The following TRIM33 variants were observed in gnomAD, a reference collection of about 807,000 sequenced individuals.
The protein encoded by TRIM33 is tripartite motif containing 33.
Under a neutral mutation model 125.4 loss-of-function variants are expected in TRIM33, and 20 were observed. The ratio of observed to expected loss-of-function variants is 0.16; its 90% CI spans 0.11 to 0.23. The LOEUF (loss-of-function observed/expected upper bound fraction) is 0.23, where lower values mean the gene tolerates loss of function less well. Among genes scored for constraint, TRIM33 ranks in the 10% least tolerant of loss-of-function variants. The pLI is 1.00. For synonymous variants in TRIM33, 564 were observed against 513.9 expected (o/e 1.10, Z -1.32); for missense variants, 920 against 1,411.4 (o/e 0.65, Z 5.58).
chr1:114,500,558 A>G (rs1368350755), intron 1 of TRIM33, among the ~76,000 whole-genome samples: 1 of 151,262 alleles, frequency 6.6e-6, no homozygotes, highest in African/African-American at 2.4e-5. Flanking sequence ...TATAAGAGTG[A>G]GCAAAAGGTG....
At chr1:114,466,808 GCGT>G in intron 1 of TRIM33, among the ~76,000 whole-genome samples, 1 of 152,296 alleles carries the variant, frequency 6.6e-6, no homozygotes, top group South Asian at 2.1e-4. Flanking sequence ...AGTCAGGCTG[GCGT>G]CGAACTCCTG....
At chr1:114,469,944 G>C (rs371008936) in intron 1 of TRIM33, among the ~76,000 whole-genome samples, 1 of 152,268 alleles carries the variant, frequency 6.6e-6, no homozygotes, top group East Asian at 1.9e-4. Context: ...TAATATCATA[G>C]AGTAACATAT....
chr1:114,425,355 G>A, intron 9 of TRIM33, 94 bp downstream of exon 9: 1 of 1,488,790 alleles, frequency 6.7e-7, no homozygotes, highest in Non-Finnish European at 9.1e-7. Flanking sequence ...AGTCTTGCTA[G>A]TAACTTTGAA....
chr1:114,411,334 C>A (rs1652576412), intron 11 of TRIM33, among the ~76,000 whole-genome samples: 1 of 152,134 alleles, frequency 6.6e-6, no homozygotes, highest in Non-Finnish European at 1.5e-5. Flanking sequence ...CAAAACAAAA[C>A]CCATGCCAGA....
At chr1:114,463,767 CTTTT>C (rs397977770) in intron 2 of TRIM33, among the ~76,000 whole-genome samples, 1 of 126,048 alleles carries the variant, frequency 7.9e-6, no homozygotes, top group Non-Finnish European at 1.6e-5. Flanking sequence ...GCAGATTTGA[CTTTT>C]TTTTTTTTTT....
At chr1:114,452,556 A>G (rs1438622680) in intron 4 of TRIM33, among the ~76,000 whole-genome samples, 1 of 152,062 alleles carries the variant, frequency 6.6e-6, no homozygotes, top group Non-Finnish European at 1.5e-5. Flanking sequence ...TCTACTAAAT[A>G]ATTTTCTAAC....
chr1:114,409,903 C>CGG (rs1652471466), intron 12 of TRIM33, among the ~76,000 whole-genome samples: 1 of 152,144 alleles, frequency 6.6e-6, no homozygotes, highest in East Asian at 1.9e-4. Context: ...GAAGAGAAGA[C>CGG]GGAGCCCTGT....
chr1:114,427,504 T>A (rs1052042567), intron 7 of TRIM33, among the ~76,000 whole-genome samples: 2 of 152,178 alleles, frequency 1.3e-5, no homozygotes, highest in Non-Finnish European at 2.9e-5. Flanking sequence ...ATACTAGGTA[T>A]CTTCAAAAGA....
chr1:114,453,760 G>A (rs1454489778), intron 4 of TRIM33, among the ~76,000 whole-genome samples: 2 of 152,182 alleles, frequency 1.3e-5, no homozygotes, highest in Non-Finnish European at 2.9e-5. Context: ...TGTGGCTGGT[G>A]AACCACATCT....
At chr1:114,474,955 A>G (rs1401329579) in intron 1 of TRIM33, among the ~76,000 whole-genome samples, 1 of 152,018 alleles carries the variant, frequency 6.6e-6, no homozygotes. Context: ...CCCTTACACA[A>G]AAATAATCAT....
intron 11 of TRIM33, among the ~76,000 whole-genome samples, chr1:114,419,107 A>C (rs1054541394): frequency 1.3e-5 from 2 of 150,074 alleles, no homozygotes; most frequent in Admixed American, 6.7e-5. Flanking sequence ...AGGCTGAGGA[A>C]GGAGAACAGC....
Position 114,510,781 on chromosome 1 carries a change from G to A in TRIM33, c.296C>T (p.Pro99Leu). The A allele has an allele frequency of 6.6e-7, 1 of 1,521,200 alleles. No homozygotes were observed. Among genetic ancestry groups the A allele is most frequent in the Non-Finnish European group, 8.8e-7 (1 of 1,140,040 alleles). The allele number at this position is 1,521,200 out of a possible 1,614,324, so 94.2% of individuals were successfully genotyped here. The stretch of plus-strand genomic sequence containing the variant: ...CGGAGCGGGAGCCGAGGCTGGAGCT[G>A]GAGCCGGCGTCGATACTGCGCCCCC... ...VAGGAVSTPA[P>L]APASAPAPGP... Residue 99 changes from proline (P) to leucine (L), a missense_variant, in exon 1 of 20, where the codon CCA becomes CTA. This residue lies in a region of TRIM33 where 233 missense variants were observed against 189.6 expected (regional missense o/e 1.23). Coordinates refer to ENST00000358465, the MANE Select transcript of TRIM33 (RefSeq NM_015906.4).
intron 1 of TRIM33, among the ~76,000 whole-genome samples, chr1:114,492,071 A>G (rs915031887): frequency 3.3e-5 from 5 of 152,166 alleles, no homozygotes; most frequent in African/African-American, 9.7e-5. Flanking sequence ...AAAGAAGGCA[A>G]AGCATCTCCC....
intron 1 of TRIM33, among the ~76,000 whole-genome samples, chr1:114,490,097 AAAAAAAAGAAAAGGAAAGGAAAG>A (rs1458805369): frequency 4.7e-5 from 7 of 149,848 alleles, no homozygotes; most frequent in African/African-American, 1.5e-4. Flanking sequence ...AAAAAAAAAA[AAAAAAAAGAAAAGGAAAGGAAAG>A]AAAAAAGAAA....
At chr1:114,488,806 C>T (rs928251403) in intron 1 of TRIM33, among the ~76,000 whole-genome samples, 2 of 151,970 alleles carry the variant, frequency 1.3e-5, no homozygotes, top group African/African-American at 4.8e-5. Flanking sequence ...CCAGAAGAAC[C>T]AAAACGATCT....
chr1:114,447,393 G>T (rs1242233953), intron 4 of TRIM33, among the ~76,000 whole-genome samples: 1 of 147,252 alleles, frequency 6.8e-6, no homozygotes, highest in East Asian at 2.0e-4. Flanking sequence ...CTATGCAACT[G>T]AAAAAAAAAA....
chr1:114,411,000 C>T (rs912896010), intron 11 of TRIM33, among the ~76,000 whole-genome samples: 1 of 152,056 alleles, frequency 6.6e-6, no homozygotes, highest in Non-Finnish European at 1.5e-5. Context: ...TGAATATTAC[C>T]TTAAATCTTA....
intron 4 of TRIM33, among the ~76,000 whole-genome samples, chr1:114,443,517 G>A (rs974850695): frequency 3.8e-4 from 58 of 152,144 alleles, no homozygotes; most frequent in African/African-American, 1.2e-3. Context: ...GATTACAGGC[G>A]TGGGCCACTG....
chr1:114,494,768 A>C (rs574216157), intron 1 of TRIM33, among the ~76,000 whole-genome samples: 8 of 152,240 alleles, frequency 5.3e-5, no homozygotes, highest in Non-Finnish European at 1.2e-4. Context: ...TTAAGTACTT[A>C]AATAAACTTT....
Sources: gnomAD v4.1 joint callset for allele counts (sites outside exome capture counted in the v4.1 genomes callset) on GRCh38, gnomAD v4.1.1 for gene constraint, gnomAD v4.1.1 regional missense constraint, MANE v1.5 for transcripts, NCBI Gene and HGNC (gene_info 2026-07-23, HGNC 2026-07-21) for gene names.